SLC8A1: variants seen among roughly 807,000 people sequenced by gnomAD.
SLC8A1 encodes the protein sodium/calcium exchanger 1.
SLC8A1 carries 18 observed loss-of-function variants against 68.3 expected under a neutral mutation model. The ratio of observed to expected loss-of-function variants is 0.26; its 90% CI spans 0.18 to 0.39. The LOEUF (loss-of-function observed/expected upper bound fraction) is 0.39. Ranked by LOEUF, SLC8A1 falls within the 10% of genes least tolerant of loss-of-function variation. The pLI is 1.00. For missense variants in SLC8A1, 985 were observed against 1,156.7 expected (o/e 0.85, Z 2.15); for synonymous variants, 475 against 415.5 (o/e 1.14, Z -1.74).
At chr2:40,497,899 G>C (rs753661619) in intron 1 of SLC8A1, among the ~76,000 whole-genome samples, 8 of 152,010 alleles carry the variant, frequency 5.3e-5, no homozygotes, top group Non-Finnish European at 1.0e-4. Context: ...AACAACGTGG[G>C]GAATAGTAGG....
At chr2:40,273,221 A>G (rs2066272359) in intron 2 of SLC8A1, among the ~76,000 whole-genome samples, 1 of 150,590 alleles carries the variant, frequency 6.6e-6, no homozygotes, top group Non-Finnish European at 1.5e-5. Context: ...GATTACAGGC[A>G]TGAACCACCA....
intron 1 of SLC8A1, among the ~76,000 whole-genome samples, chr2:40,494,681 A>ATATC: frequency 8.7e-6 from 1 of 115,316 alleles, no homozygotes; most frequent in Non-Finnish European, 1.9e-5. Context: ...ATATATATAT[A>ATATC]TATCCAAATG....
chr2:40,206,491 T>G (rs905679264), intron 2 of SLC8A1, among the ~76,000 whole-genome samples: 1 of 152,072 alleles, frequency 6.6e-6, no homozygotes, highest in Admixed American at 6.6e-5. Context: ...ACCTTAAGGA[T>G]TCTTCCTTCT....
chr2:40,177,931 A>T, intron 2 of SLC8A1: 2 of 940,380 alleles, frequency 2.1e-6, no homozygotes, highest in Non-Finnish European at 3.4e-6. Context: ...ACCAAGCTGA[A>T]TGTTACTGTG....
chr2:40,285,280 G>T (rs1676911221), intron 2 of SLC8A1, among the ~76,000 whole-genome samples: 1 of 152,130 alleles, frequency 6.6e-6, no homozygotes, highest in South Asian at 2.1e-4. Context: ...ACATCTGACA[G>T]ACGTTCTCTT....
chr2:40,287,422 T>G (rs2068497422), intron 2 of SLC8A1, among the ~76,000 whole-genome samples: 4 of 152,064 alleles, frequency 2.6e-5, no homozygotes, highest in Admixed American at 2.6e-4. Flanking sequence ...GCTGACATTA[T>G]CCATAATGAC....
intron 2 of SLC8A1, among the ~76,000 whole-genome samples, chr2:40,215,618 TG>T (rs1245103996): frequency 5.9e-5 from 7 of 118,604 alleles, no homozygotes; most frequent in Non-Finnish European, 1.1e-4. Flanking sequence ...CAGTCCGGCC[TG>T]GGCGACAAAG....
chr2:40,417,666 G>C (rs889444605), intron 2 of SLC8A1, among the ~76,000 whole-genome samples: 4 of 152,030 alleles, frequency 2.6e-5, no homozygotes, highest in African/African-American at 9.7e-5. Flanking sequence ...AAGCCACAGG[G>C]ATAAAATGAG....
chr2:40,236,338 T>C (rs978440950), intron 2 of SLC8A1, among the ~76,000 whole-genome samples: 6 of 152,258 alleles, frequency 3.9e-5, no homozygotes, highest in East Asian at 1.9e-4. Flanking sequence ...TGAATTGATC[T>C]CTTTACCATT....
intron 2 of SLC8A1, among the ~76,000 whole-genome samples, chr2:40,184,364 A>G (rs2050220036): frequency 6.6e-6 from 1 of 152,180 alleles, no homozygotes; most frequent in East Asian, 1.9e-4. Context: ...GTAGGTGGAA[A>G]CATGGGAAGA....
intron 1 of SLC8A1, among the ~76,000 whole-genome samples, chr2:40,441,917 G>A (rs1559701398): frequency 1.3e-5 from 2 of 151,882 alleles, no homozygotes; most frequent in South Asian, 2.1e-4. Context: ...ATTGACAAAT[G>A]GGATGTAATT....
At chr2:40,192,420 T>C (rs1157614589) in intron 2 of SLC8A1, among the ~76,000 whole-genome samples, 7 of 152,116 alleles carry the variant, frequency 4.6e-5, no homozygotes, top group East Asian at 1.9e-4. Flanking sequence ...GCAGATACAA[T>C]TGACTGCTAG....
At chr2:40,424,220 C>A (rs1416187989) in intron 2 of SLC8A1, among the ~76,000 whole-genome samples, 2 of 151,630 alleles carry the variant, frequency 1.3e-5, no homozygotes. Flanking sequence ...CACAATTATC[C>A]TTCTGTTCTG....
intron 2 of SLC8A1, among the ~76,000 whole-genome samples, chr2:40,334,610 AG>A (rs1416679292): frequency 6.6e-6 from 1 of 152,210 alleles, no homozygotes; most frequent in Non-Finnish European, 1.5e-5. Context: ...ATGCACTAAA[AG>A]GGCAGGAATC....
chr2:40,284,449 G>A (rs543485849), intron 2 of SLC8A1, among the ~76,000 whole-genome samples: 3 of 140,276 alleles, frequency 2.1e-5, no homozygotes, highest in Admixed American at 2.1e-4. Flanking sequence ...ATATATAAAT[G>A]TATATCTATA....
chr2:40,249,908 A>G (rs919016881), intron 2 of SLC8A1, among the ~76,000 whole-genome samples: 12 of 152,110 alleles, frequency 7.9e-5, no homozygotes, highest in Non-Finnish European at 2.9e-5. Context: ...ATATATTTTG[A>G]TAAGTAGCAG....
intron 2 of SLC8A1, among the ~76,000 whole-genome samples, chr2:40,300,415 G>A (rs962471293): frequency 6.6e-6 from 1 of 152,140 alleles, no homozygotes; most frequent in East Asian, 1.9e-4. Context: ...TTAGAAGTTC[G>A]AGTGTTTAAA....
chr2:40,261,795 T>A (rs2064745039), intron 2 of SLC8A1, among the ~76,000 whole-genome samples: 1 of 152,204 alleles, frequency 6.6e-6, no homozygotes, highest in South Asian at 2.1e-4. Flanking sequence ...TTCCTTCGCA[T>A]GTCTTTTTAA....
intron 7 of SLC8A1, among the ~76,000 whole-genome samples, chr2:40,135,672 C>T (rs920120102): frequency 4.6e-5 from 7 of 152,126 alleles, no homozygotes; most frequent in African/African-American, 9.6e-5. Context: ...GAGCCAAGAT[C>T]GTGCCACTGC....
Sources: allele counts gnomAD v4.1 joint callset (sites outside exome capture counted in the v4.1 genomes callset), GRCh38; gene constraint gnomAD v4.1.1; transcripts MANE v1.5; gene names NCBI Gene and HGNC (gene_info 2026-07-23, HGNC 2026-07-21).